TATDN3: variants seen among roughly 807,000 people sequenced by gnomAD.
The protein encoded by TATDN3 is deoxyribonuclease TATDN3.
In TATDN3, 29 loss-of-function variants were observed where a neutral mutation model predicts 40.1. That is an observed-to-expected ratio of 0.72 (90% CI 0.54 to 0.99). The LOEUF (loss-of-function observed/expected upper bound fraction) is 0.99. Ranked by LOEUF, TATDN3 falls within the 50% of genes least tolerant of loss-of-function variation. TATDN3 has a pLI of 0.00. For synonymous variants in TATDN3, 105 were observed against 117.0 expected (o/e 0.90, Z 0.66); for missense variants, 309 against 321.9 (o/e 0.96, Z 0.31).
In TATDN3 at chr1:212,815,490, A is replaced by C. The variant is rs1295224600; in HGVS notation, c.*334A>C. ...GGGTGGCTCCCACAGGAAGAGTATA[A>C]GCACTACTGTGATGAGGATGGAGTA... On this transcript the variant is annotated 3_prime_UTR_variant, in exon 10 of 10. Transcript: ENST00000366974. The C allele has an allele frequency of 4.8e-6, 1 of 207,876 alleles. No individual in the cohort carries two copies. Among genetic ancestry groups the C allele is most frequent in the Admixed American group, 5.4e-5 (1 of 18,600 alleles). 12.9% of individuals were successfully genotyped at this position (207,876 alleles called of 1,614,324 possible).
At chr1:212,800,929 G>A (rs1483966434) in intron 4 of TATDN3, among the ~76,000 whole-genome samples, 2 of 150,916 alleles carry the variant, frequency 1.3e-5, no homozygotes, top group Admixed American at 1.3e-4. Flanking sequence ...ATAGGGTGGG[G>A]TGCCATGGCT....
chr1:212,806,763 T>TATATATAC (rs1662510597), intron 7 of TATDN3, among the ~76,000 whole-genome samples: 1 of 112,994 alleles, frequency 8.9e-6, no homozygotes, highest in Admixed American at 1.2e-4. Context: ...TATATATATA[T>TATATATAC]ATATATATAT....
At chr1:212,803,403 T>G (rs1294055183) in intron 5 of TATDN3, among the ~76,000 whole-genome samples, 1 of 151,938 alleles carries the variant, frequency 6.6e-6, no homozygotes, top group African/African-American at 2.4e-5. Context: ...AGGCTGGTCT[T>G]GGACACCTGG....
rs1194420714 is a variant in TATDN3 at position 212,796,608 on chromosome 1, G to T, written c.173+18G>T. ...TCAGAAAGGTGCTACTTTTAATTAA[G>T]ATTTTAAAGGGTTGCTAATAAGAAC... On this transcript the variant is annotated intron_variant, in intron 3 of 9. Transcript: ENST00000366974. The T allele has an allele frequency of 7.2e-6, 11 of 1,518,894 alleles. No individual in the cohort carries two copies. Among genetic ancestry groups the T allele is most frequent in the Non-Finnish European group, 9.7e-6 (11 of 1,128,324 alleles). 94.1% of individuals were successfully genotyped at this position (1,518,894 alleles called of 1,614,324 possible).
chr1:212,797,538 G>C, intron 4 of TATDN3: 1 of 181,746 alleles, frequency 5.5e-6, no homozygotes, highest in Non-Finnish European at 1.2e-5. Context: ...TTCACTATGA[G>C]TGACATCTAC....
At chr1:212,798,275 G>GAGAT (rs1661922973) in intron 4 of TATDN3, among the ~76,000 whole-genome samples, 1 of 151,918 alleles carries the variant, frequency 6.6e-6, no homozygotes, top group African/African-American at 2.4e-5. Context: ...GTAGTAAGCT[G>GAGAT]AGATTGCTCC....
chr1:212,799,381 AAGTT>A (rs1455951710), intron 4 of TATDN3, among the ~76,000 whole-genome samples: 2 of 152,090 alleles, frequency 1.3e-5, no homozygotes, highest in Non-Finnish European at 2.9e-5. Context: ...AAAGGGGAAA[AAGTT>A]AGAAGGCTAC....
At chr1:212,799,696 C>G (rs1257006982) in intron 4 of TATDN3, among the ~76,000 whole-genome samples, 2 of 152,128 alleles carry the variant, frequency 1.3e-5, no homozygotes, top group Admixed American at 6.6e-5. Context: ...CACCACTACA[C>G]CCGGCTAATT....
chr1:212,798,307 C>G (rs1661926553), intron 4 of TATDN3, among the ~76,000 whole-genome samples: 1 of 151,752 alleles, frequency 6.6e-6, no homozygotes, highest in African/African-American at 2.4e-5. Flanking sequence ...GCCTGGGTGA[C>G]AGAGTGAGAC....
chr1:212,793,392 T>G (rs1661490024), intron 1 of TATDN3, among the ~76,000 whole-genome samples: 1 of 152,056 alleles, frequency 6.6e-6, no homozygotes, highest in South Asian at 2.1e-4. Context: ...TTTTGTATTT[T>G]TAATAGAGAC....
intron 9 of TATDN3, 93 bp downstream of exon 9, chr1:212,812,421 C>T: frequency 2.8e-6 from 2 of 718,986 alleles, no homozygotes; most frequent in South Asian, 3.5e-5. Context: ...AGTGTAAATA[C>T]AGTGGAATCC....
At chr1:212,809,981 G>A (rs139446991) in intron 8 of TATDN3, among the ~76,000 whole-genome samples, 3,459 of 152,190 alleles carry the variant, frequency 0.023, 62 homozygotes, top group South Asian at 0.042. Flanking sequence ...CTGAGATCGC[G>A]CTTCTGCACT....
chr1:212,811,892 G>A (rs1247080213), intron 8 of TATDN3, among the ~76,000 whole-genome samples: 2 of 152,004 alleles, frequency 1.3e-5, no homozygotes, highest in Non-Finnish European at 2.9e-5. Flanking sequence ...CAGTAGAGAT[G>A]GGGTTTCACC....
At chr1:212,814,292 T>C (rs921094237) in intron 9 of TATDN3, among the ~76,000 whole-genome samples, 1 of 152,214 alleles carries the variant, frequency 6.6e-6, no homozygotes, top group African/African-American at 2.4e-5. Context: ...TTGGGCTACA[T>C]TACCAAAGTG....
At chr1:212,795,035 C>T (rs1009867243) in intron 1 of TATDN3, 60 bp from the exon 2 acceptor site, 1 of 1,325,492 alleles carries the variant, frequency 7.5e-7, no homozygotes, top group Non-Finnish European at 1.1e-6. Flanking sequence ...TTGACATATA[C>T]AGTCCAAGAT....
rs763726725 is a variant in TATDN3, at chr1:212,796,626, A to G, written c.173+36A>G. 3.5e-6 allele frequency: 5 copies of G among 1,424,258 alleles called. No individual in the cohort carries two copies. The East Asian group carries it at 7.0e-5, about 20-fold the overall frequency. 88.2% of individuals were successfully genotyped at this position (1,424,258 alleles called of 1,614,324 possible). On this transcript the variant is annotated intron_variant, in intron 3 of 9. Transcript: ENST00000366974. The stretch of plus-strand genomic sequence containing the variant: ...TAATTAAGATTTTAAAGGGTTGCTA[A>G]TAAGAACACAGTTATGACATCCAGT...
At chr1:212,800,374 CTTT>C (rs373975223) in intron 4 of TATDN3, among the ~76,000 whole-genome samples, 4 of 133,978 alleles carry the variant, frequency 3.0e-5, no homozygotes, top group Non-Finnish European at 3.2e-5. Context: ...ATAGGTACTT[CTTT>C]TTTTTTTTTT....
At chr1:212,793,660 G>C (rs2102424646) in intron 1 of TATDN3, among the ~76,000 whole-genome samples, 1 of 152,316 alleles carries the variant, frequency 6.6e-6, no homozygotes, top group South Asian at 2.1e-4. Context: ...AGTTTGAGAT[G>C]AATACATGGA....
At chr1:212,802,889 AAAT>A (rs1453272502) in intron 5 of TATDN3, 126 bp downstream of exon 5, 11 of 606,406 alleles carry the variant, frequency 1.8e-5, no homozygotes, top group Admixed American at 3.0e-5. Context: ...CCACTTAGCC[AAAT>A]AATAATTCGT....
Sources: allele counts gnomAD v4.1 joint callset (sites outside exome capture counted in the v4.1 genomes callset), GRCh38; gene constraint gnomAD v4.1.1; transcripts MANE v1.5; gene names NCBI Gene and HGNC (gene_info 2026-07-23, HGNC 2026-07-21).